The following IL15RA variants were observed in gnomAD, a reference collection of about 807,000 sequenced individuals.
IL15RA encodes the protein interleukin-15 receptor subunit alpha.
In IL15RA, 26 loss-of-function variants were observed where a neutral mutation model predicts 24.2. The ratio of observed to expected loss-of-function variants is 1.07; its 90% CI spans 0.79 to 1.49. IL15RA has a LOEUF of 1.49. Ranked by LOEUF, IL15RA falls within the 40% of genes most tolerant of loss-of-function variation. The pLI, the probability that IL15RA is intolerant of heterozygous loss-of-function variation, is 0.00. For missense variants in IL15RA, 354 were observed against 356.4 expected (o/e 0.99, Z 0.05); for synonymous variants, 166 against 157.6 (o/e 1.05, Z -0.40).
At position 5,968,563 on chromosome 10, in the gene IL15RA, T is replaced by G; in HGVS notation, c.89-2224A>C. On this transcript the variant is annotated intron_variant, in intron 1 of 6. Coordinates refer to ENST00000379977, the MANE Select transcript of IL15RA (RefSeq NM_002189.4). This position sits in a 1 kb window ranked among gnomAD's most constrained non-coding sequence, Gnocchi z 5.4. ...GAGTCGATCTCACAAGTTGTTGAGG[T>G]GGATTTGGATGCTGCTGTTGCTATG... 1.8e-6 allele frequency: 1 copy of G among 562,646 alleles called. No individual in the cohort carries two copies. Among genetic ancestry groups the G allele is most frequent in the Non-Finnish European group, 3.2e-6 (1 of 314,320 alleles). The allele number at this position is 562,646 out of a possible 1,614,324, so 34.9% of individuals were successfully genotyped here. A position where few individuals can be genotyped will look rare whatever the true frequency, so the allele number is the denominator to read the frequency against.
In IL15RA at chr10:5,960,242, G is replaced by C; in HGVS notation, c.583+125C>G. On this transcript the variant is annotated intron_variant, in intron 4 of 6. Transcript: ENST00000379977. This position sits in a 1 kb window ranked among gnomAD's most constrained non-coding sequence, Gnocchi z 5.1. Reference sequence around the variant, plus strand: ...ACGCCGTGGCTGGTGGCCGGGGCCAGCAGGCTGCCCAGTGAATCCTGACTT... The same window carrying C: ...ACGCCGTGGCTGGTGGCCGGGGCCACCAGGCTGCCCAGTGAATCCTGACTT... The C allele has an allele frequency of 2.2e-6, 2 of 911,414 alleles. No homozygotes were observed. The highest frequency in any genetic ancestry group is 1.7e-6 in the Non-Finnish European group (1 of 571,710). The allele number at this position is 911,414 out of a possible 1,614,324, so 56.5% of individuals were successfully genotyped here. A position where few individuals can be genotyped will look rare whatever the true frequency, so the allele number is the denominator to read the frequency against.
intron 6 of IL15RA, among the ~76,000 whole-genome samples, chr10:5,954,186 T>TTTTTTTTC (rs1554816722): frequency 2.2e-5 from 3 of 138,150 alleles, no homozygotes; most frequent in Non-Finnish European, 4.6e-5. Flanking sequence ...TTTTTTTTTT[T>TTTTTTTTC]TCTGAGACAG....
rs772688222 is a variant in IL15RA at position 5,960,110 on chromosome 10, C to T, written c.583+257G>A. Among the ~76,000 whole-genome samples, 74 of 152,206 alleles carry T rather than the reference C, an allele frequency of 4.9e-4. No individual in the cohort carries two copies. Among genetic ancestry groups the T allele is most frequent in the Non-Finnish European group, 8.2e-4 (56 of 68,030 alleles). On this transcript the variant is annotated intron_variant, in intron 4 of 6. Coordinates refer to ENST00000379977, the MANE Select transcript of IL15RA (RefSeq NM_002189.4). This position sits in a 1 kb window ranked among gnomAD's most constrained non-coding sequence, Gnocchi z 5.1. The stretch of plus-strand genomic sequence containing the variant: ...GCCACTCCCAGCTGCACAGGCTCTG[C>T]CATGCGGGTGATAAGGCTGGCCCTG...
Position 5,975,880 on chromosome 10 carries a change from G to A in IL15RA, c.88+1525C>T, listed in dbSNP as rs1228019494. Among the ~76,000 whole-genome samples the A allele has an allele frequency of 6.6e-6, 1 of 152,104 alleles. No individual in the cohort carries two copies. The highest frequency in any genetic ancestry group is 1.5e-5 in the Non-Finnish European group (1 of 68,012). On this transcript the variant is annotated intron_variant, in intron 1 of 6. Coordinates refer to ENST00000379977, the MANE Select transcript of IL15RA (RefSeq NM_002189.4). This position sits in a 1 kb window ranked among gnomAD's most constrained non-coding sequence, Gnocchi z 4.8. Reference sequence around the variant, plus strand: ...TGCACCCCAGCCGGGGTGACAGAGTGAGACTCCGTCTCAAAAAAGAAAACA... The same window carrying A: ...TGCACCCCAGCCGGGGTGACAGAGTAAGACTCCGTCTCAAAAAAGAAAACA...
At position 5,973,992 on chromosome 10, in the gene IL15RA, A is replaced by G. The variant is rs1838011124; in HGVS notation, c.88+3413T>C. On this transcript the variant is annotated intron_variant, in intron 1 of 6. Coordinates refer to ENST00000379977, the MANE Select transcript of IL15RA (RefSeq NM_002189.4). The surrounding 1 kb of genome is among the most constrained non-coding windows in gnomAD (Gnocchi z 4.5). ...GTAATGATACAATTCAATTTTTTAT[A>G]CATAAGACAGAGTCAGAAAAAAAAA... Among the ~76,000 whole-genome samples, 1 of 151,894 alleles carries G rather than the reference A, an allele frequency of 6.6e-6. No individual in the cohort carries two copies. The highest frequency in any genetic ancestry group is 2.1e-4 in the South Asian group (1 of 4,816).
In IL15RA at chr10:5,955,559, A is replaced by C. The variant is rs2132280443; in HGVS notation, c.692+820T>G. On this transcript the variant is annotated intron_variant, in intron 6 of 6. Transcript: ENST00000379977. The surrounding 1 kb of genome is among the most constrained non-coding windows in gnomAD (Gnocchi z 5.3). ...GATAGAAGTACAAAATGAAGGCTAG[A>C]ATGCCATTTGAGGCTTTAATCAAAG... Among the ~76,000 whole-genome samples, 1 of 152,350 alleles carries C rather than the reference A, an allele frequency of 6.6e-6. No homozygotes were observed. The highest frequency in any genetic ancestry group is 2.1e-4 in the South Asian group (1 of 4,832).
rs7917197 is a variant in IL15RA at position 5,967,063 on chromosome 10, T to C, written c.89-724A>G. 0.8 allele frequency among the ~76,000 whole-genome samples: 122,038 copies of C among 152,018 alleles called. 49,557 individuals are homozygous for C. The highest frequency in any genetic ancestry group is 0.9 in the Middle Eastern group (265 of 294). On this transcript the variant is annotated intron_variant, in intron 1 of 6. Transcript: ENST00000379977. This position sits in a 1 kb window ranked among gnomAD's most constrained non-coding sequence, Gnocchi z 4.4. ...CATGCCAGGCCCTGAATTTCTATTC[T>C]AATAGTTTTTAACTGGATCAAATTC...
chr10:5,976,646 C>T (rs1429736066), intron 1 of IL15RA, among the ~76,000 whole-genome samples: 1 of 152,140 alleles, frequency 6.6e-6, no homozygotes, highest in Non-Finnish European at 1.5e-5. Flanking sequence ...CCTCTGGCTG[C>T]CGGGACAAAA....
In IL15RA at chr10:5,963,951, C is replaced by T. The variant is rs1313026758; in HGVS notation, c.284-110G>A. On this transcript the variant is annotated intron_variant, in intron 2 of 6. Coordinates refer to ENST00000379977, the MANE Select transcript of IL15RA (RefSeq NM_002189.4). This position sits in a 1 kb window ranked among gnomAD's most constrained non-coding sequence, Gnocchi z 5.3. ...TCAACACATGAACTTACAGTGGAGG[C>T]CTCTGGCTTCCTCAGACAGGTTAAA... 3.1e-6 allele frequency: 2 copies of T among 651,328 alleles called. No individual in the cohort carries two copies. Among genetic ancestry groups the T allele is most frequent in the East Asian group, 6.7e-5 (2 of 29,890 alleles). 40.3% of individuals were successfully genotyped at this position (651,328 alleles called of 1,614,324 possible). A position where few individuals can be genotyped will look rare whatever the true frequency, so the allele number is the denominator to read the frequency against.
Position 5,952,435 on chromosome 10 carries a change from C to A in IL15RA, c.*660G>T, listed in dbSNP as rs1589147032. 1 of 152,658 alleles carries A rather than the reference C, an allele frequency of 6.6e-6. No homozygotes were observed. The highest frequency in any genetic ancestry group is 1.9e-4 in the East Asian group (1 of 5,214). The allele number at this position is 152,658 out of a possible 1,614,324, so 9.5% of individuals were successfully genotyped here. On this transcript the variant is annotated 3_prime_UTR_variant, in exon 7 of 7. Coordinates refer to ENST00000379977, the MANE Select transcript of IL15RA (RefSeq NM_002189.4). ...TTATACAAGGTACAATGTCAAAATA[C>A]AAATAATATATAATGTATAGATATA...
rs752668766 is a variant in IL15RA, at chr10:5,963,789, C to A, written c.336G>T (p.Thr112=). ...QRPAPPSTVT[T]AGVTPQPESL... is the part of the protein sequence containing the mutation. ...TCTCTGGCTGTGGGGTCACCCCTGC[C>A]GTCGTTACTGTGGAGGGTGGCGCTG... The change falls in exon 3 of 7, where the codon ACG becomes ACT. Residue 112 remains threonine (T), a synonymous_variant. Transcript: ENST00000379977. This position sits in a 1 kb window ranked among gnomAD's most constrained non-coding sequence, Gnocchi z 5.3. 3.3e-6 allele frequency: 5 copies of A among 1,534,420 alleles called. No individual in the cohort carries two copies. The highest frequency in any genetic ancestry group is 4.3e-6 in the Non-Finnish European group (5 of 1,152,786).
rs1187344378 is a variant in IL15RA, at chr10:5,952,946, C to A, written c.*149G>T. 2 of 661,474 alleles carry A rather than the reference C, an allele frequency of 3.0e-6. No homozygotes were observed. Among genetic ancestry groups the A allele is most frequent in the African/African-American group, 3.6e-5 (2 of 55,226 alleles). 41.0% of individuals were successfully genotyped at this position (661,474 alleles called of 1,614,324 possible). A position where few individuals can be genotyped will look rare whatever the true frequency, so the allele number is the denominator to read the frequency against. ...CTCCCTCGCGCAGGAGGCGCCGACC[C>A]GGCAGTCCGTGAGATCCTGCTGGGA... is the stretch of plus-strand genomic sequence containing the variant. On this transcript the variant is annotated 3_prime_UTR_variant, in exon 7 of 7. Transcript: ENST00000379977.
At position 5,962,190 on chromosome 10, in the gene IL15RA, G is replaced by C. The variant is rs1456814235; in HGVS notation, c.382+1553C>G. Reference sequence around the variant, plus strand: ...TAGAATTACTTCAAGTTTAAATGGAGCCAGCCCCTCAACCCCTTCCTCCCT... The same window carrying C: ...TAGAATTACTTCAAGTTTAAATGGACCCAGCCCCTCAACCCCTTCCTCCCT... On this transcript the variant is annotated intron_variant, in intron 3 of 6. Transcript: ENST00000379977. This position sits in a 1 kb window ranked among gnomAD's most constrained non-coding sequence, Gnocchi z 5.2. 6.6e-6 allele frequency among the ~76,000 whole-genome samples: 1 copy of C among 152,170 alleles called. No individual in the cohort carries two copies. Among genetic ancestry groups the C allele is most frequent in the African/African-American group, 2.4e-5 (1 of 41,428 alleles).
Position 5,960,015 on chromosome 10 carries a change from C to A in IL15RA, c.584-229G>T, listed in dbSNP as rs1250993903. 6.6e-6 allele frequency among the ~76,000 whole-genome samples: 1 copy of A among 152,198 alleles called. No homozygotes were observed. The highest frequency in any genetic ancestry group is 1.5e-5 in the Non-Finnish European group (1 of 68,040). On this transcript the variant is annotated intron_variant, in intron 4 of 6. Coordinates refer to ENST00000379977, the MANE Select transcript of IL15RA (RefSeq NM_002189.4). This position sits in a 1 kb window ranked among gnomAD's most constrained non-coding sequence, Gnocchi z 5.1. Reference sequence around the variant, plus strand: ...AGAAGGTCCCCATTACCCTCAGCTCCTCCATTCCACAGATCCTGGCCCCGG... The same window carrying A: ...AGAAGGTCCCCATTACCCTCAGCTCATCCATTCCACAGATCCTGGCCCCGG...
At chr10:5,957,999 C>T (rs1193096087) in intron 5 of IL15RA, among the ~76,000 whole-genome samples, 6 of 152,158 alleles carry the variant, frequency 3.9e-5, no homozygotes, top group Admixed American at 3.9e-4. Flanking sequence ...GACCCCTGAA[C>T]TTTATATGTA....
chr10:5,953,717 G>A lies in IL15RA; in HGVS notation c.693-511C>T. 1 of 247,660 alleles carries A rather than the reference G, an allele frequency of 4.0e-6. No individual in the cohort carries two copies. The highest frequency in any genetic ancestry group is 7.8e-6 in the Non-Finnish European group (1 of 128,388). The allele number at this position is 247,660 out of a possible 1,614,324, so 15.3% of individuals were successfully genotyped here. On this transcript the variant is annotated intron_variant, in intron 6 of 6. Transcript: ENST00000379977. The surrounding 1 kb of genome is among the most constrained non-coding windows in gnomAD (Gnocchi z 5.3). ...TAGCCAAACCAGAGTTGATCATCTT[G>A]AAAAAAGTGATTTAATATTCATGAA...
downstream of IL15RA, among the ~76,000 whole-genome samples, chr10:5,949,960 G>A (rs190841776): frequency 1.9e-4 from 29 of 152,270 alleles, no homozygotes; most frequent in African/African-American, 7.0e-4. This position sits in a 1 kb window ranked among gnomAD's most constrained non-coding sequence, Gnocchi z 4.4. Context: ...GCCAGGTGTG[G>A]TGGTGTACGC....
intron 5 of IL15RA, among the ~76,000 whole-genome samples, chr10:5,957,811 C>T (rs1044933586): frequency 2.0e-5 from 3 of 151,976 alleles, no homozygotes; most frequent in Non-Finnish European, 2.9e-5. Flanking sequence ...AGGCTGGTCT[C>T]GAACTCCTGG....
In IL15RA at chr10:5,973,313, G is replaced by A. The variant is rs1005185142; in HGVS notation, c.88+4092C>T. On this transcript the variant is annotated intron_variant, in intron 1 of 6. Transcript: ENST00000379977. The surrounding 1 kb of genome is among the most constrained non-coding windows in gnomAD (Gnocchi z 4.5). Reference sequence around the variant, plus strand: ...TGATTTTGTTCCTTAATTTCTCTAAGCAATGCTTTGTAGTTTTCCATATAT... The same window carrying A: ...TGATTTTGTTCCTTAATTTCTCTAAACAATGCTTTGTAGTTTTCCATATAT... 1.3e-5 allele frequency among the ~76,000 whole-genome samples: 2 copies of A among 152,162 alleles called. No homozygotes were observed. The highest frequency in any genetic ancestry group is 4.8e-5 in the African/African-American group (2 of 41,434).
Sources: gnomAD v4.1 joint callset for allele counts (sites outside exome capture counted in the v4.1 genomes callset) on GRCh38, gnomAD v4.1.1 for gene constraint, Gnocchi (gnomAD v3.1) non-coding constraint, MANE v1.5 for transcripts, NCBI Gene and HGNC (gene_info 2026-07-23, HGNC 2026-07-21) for gene names.